Variants in CACNA1E observed in about 807,000 individuals in gnomAD.
The protein encoded by CACNA1E is calcium voltage-gated channel subunit alpha1 E.
CACNA1E carries 40 observed loss-of-function variants against 259.2 expected under a neutral mutation model. That is an observed-to-expected ratio of 0.15 (90% confidence interval 0.12 to 0.20). CACNA1E has a LOEUF of 0.20. CACNA1E is among the 10% of genes least tolerant of loss of function. The pLI is 1.00. For synonymous variants in CACNA1E, 1,104 were observed against 1,138.5 expected (o/e 0.97, Z 0.61); for missense variants, 1,874 against 3,040.1 (o/e 0.62, Z 9.02).
intron 3 of CACNA1E, among the ~76,000 whole-genome samples, chr1:181,522,769 G>A (rs1667083945): frequency 6.6e-6 from 1 of 152,180 alleles, no homozygotes; most frequent in African/African-American, 2.4e-5. Flanking sequence ...CTGTTCTGGA[G>A]ACAGGTCACC....
At chr1:181,580,450 AG>A in intron 5 of CACNA1E, 144 bp from the exon 6 acceptor site, 1 of 732,072 alleles carries the variant, frequency 1.4e-6, no homozygotes, top group Non-Finnish European at 2.4e-6. Flanking sequence ...CAGAGAGGCC[AG>A]GGAGGAGAGG....
intron 44 of CACNA1E, among the ~76,000 whole-genome samples, chr1:181,792,456 C>G (rs887028119): frequency 3.9e-5 from 6 of 152,240 alleles, no homozygotes; most frequent in African/African-American, 1.4e-4. Flanking sequence ...CTCACACCAC[C>G]TCTGATACCT....
At chr1:181,597,629 G>A (rs1653320897) in intron 6 of CACNA1E, among the ~76,000 whole-genome samples, 2 of 152,144 alleles carry the variant, frequency 1.3e-5, no homozygotes, top group Admixed American at 6.5e-5. Context: ...TGATAAATGA[G>A]GCACTGTATT....
chr1:181,695,531 T>C (rs1332376141), intron 7 of CACNA1E, among the ~76,000 whole-genome samples: 1 of 152,180 alleles, frequency 6.6e-6, no homozygotes, highest in Non-Finnish European at 1.5e-5. Context: ...AACAGACAAA[T>C]AGACCACTGG....
chr1:181,689,473 A>G (rs767922585), intron 7 of CACNA1E, among the ~76,000 whole-genome samples: 3 of 152,222 alleles, frequency 2.0e-5, no homozygotes, highest in Non-Finnish European at 4.4e-5. Flanking sequence ...AGAATGATTT[A>G]TAATCCTTTG....
At position 181,752,134 on chromosome 1, in the gene CACNA1E, C is replaced by A; in HGVS notation, c.3732-9C>A. 1 of 1,602,336 alleles carries A rather than the reference C, an allele frequency of 6.2e-7. No homozygotes were observed. The highest frequency in any genetic ancestry group is 8.6e-7 in the Non-Finnish European group (1 of 1,169,220). ...TCCATATGATTCCCTGGGGGCCTCT[C>A]CCCTGCAGAACCAACAAAGGACGGG... On this transcript the variant is annotated splice_polypyrimidine_tract_variant and intron_variant, in intron 26 of 47. Transcript: ENST00000367573.
At chr1:181,759,610 A>G (rs760748840) in intron 32 of CACNA1E, among the ~76,000 whole-genome samples, 5 of 152,206 alleles carry the variant, frequency 3.3e-5, no homozygotes, top group Admixed American at 6.5e-5. Flanking sequence ...TCAGTGCCCT[A>G]TAAACAAGAT....
intron 2 of CACNA1E, among the ~76,000 whole-genome samples, chr1:181,418,141 A>G (rs1488777571): frequency 5.3e-5 from 8 of 151,982 alleles, no homozygotes; most frequent in Admixed American, 3.3e-4. Flanking sequence ...CTCTTTCTTG[A>G]AACTCTTTTG....
intron 1 of CACNA1E, among the ~76,000 whole-genome samples, chr1:181,385,323 T>C (rs1448945234): frequency 6.6e-6 from 1 of 152,252 alleles, no homozygotes; most frequent in African/African-American, 2.4e-5. Flanking sequence ...GGCAGTGAAT[T>C]GGTTCACAGT....
intron 3 of CACNA1E, among the ~76,000 whole-genome samples, chr1:181,524,758 A>G (rs1165266884): frequency 6.6e-6 from 1 of 152,212 alleles, no homozygotes; most frequent in East Asian, 1.9e-4. Flanking sequence ...GTCACATCCC[A>G]TTGACAAGGA....
upstream of CACNA1E, among the ~76,000 whole-genome samples, chr1:181,479,516 C>T (rs1663091194): frequency 1.3e-5 from 2 of 152,144 alleles, no homozygotes; most frequent in Non-Finnish European, 2.9e-5. Context: ...AGAATGCCCA[C>T]CAAATTCCCA....
chr1:181,673,925 T>C (rs1288988593), intron 7 of CACNA1E, among the ~76,000 whole-genome samples: 1 of 152,158 alleles, frequency 6.6e-6, no homozygotes, highest in African/African-American at 2.4e-5. Context: ...CCCTTCACCC[T>C]GCTCCTCAGT....
intron 1 of CACNA1E, among the ~76,000 whole-genome samples, chr1:181,332,205 G>A (rs1651329433): frequency 6.6e-6 from 1 of 152,156 alleles, no homozygotes; most frequent in African/African-American, 2.4e-5. Flanking sequence ...CACACACTGG[G>A]GCCTGTCGAA....
intron 1 of CACNA1E, among the ~76,000 whole-genome samples, chr1:181,406,978 A>T (rs527597343): frequency 6.6e-6 from 1 of 152,326 alleles, no homozygotes; most frequent in South Asian, 2.1e-4. Context: ...AGGTTGCTTG[A>T]CTAGCAAGTG....
chr1:181,615,676 A>G (rs1655141950), intron 6 of CACNA1E, among the ~76,000 whole-genome samples: 1 of 152,152 alleles, frequency 6.6e-6, no homozygotes, highest in Admixed American at 6.5e-5. Flanking sequence ...CTATATATAT[A>G]ATCCTGTCAT....
chr1:181,452,293 C>T (rs760577580), intron 2 of CACNA1E, among the ~76,000 whole-genome samples: 4 of 152,224 alleles, frequency 2.6e-5, no homozygotes, highest in Non-Finnish European at 5.9e-5. Flanking sequence ...TTGATGTCTG[C>T]TACCTCATTT....
chr1:181,589,539 A>C (rs761298270), intron 6 of CACNA1E, among the ~76,000 whole-genome samples: 1 of 152,048 alleles, frequency 6.6e-6, no homozygotes, highest in Non-Finnish European at 1.5e-5. Context: ...GGGAGGATTG[A>C]GGAGAGAGTG....
intron 2 of CACNA1E, among the ~76,000 whole-genome samples, chr1:181,415,498 T>G (rs1658200207): frequency 6.7e-6 from 1 of 150,116 alleles, no homozygotes. Context: ...TGAGAAGGAG[T>G]AGAAGGAGGT....
At chr1:181,405,227 C>T (rs191271316) in intron 1 of CACNA1E, among the ~76,000 whole-genome samples, 32 of 152,328 alleles carry the variant, frequency 2.1e-4, no homozygotes, top group African/African-American at 7.2e-4. Context: ...AGGGATATTA[C>T]GAGGCTCTAA....
Sources: allele counts gnomAD v4.1 joint callset (sites outside exome capture counted in the v4.1 genomes callset), GRCh38; gene constraint gnomAD v4.1.1; transcripts MANE v1.5; gene names NCBI Gene and HGNC (gene_info 2026-07-23, HGNC 2026-07-21).